Variants in FGF12 observed in about 807,000 individuals in gnomAD.
FGF12 encodes the protein fibroblast growth factor 12B.
FGF12 carries 14 observed loss-of-function variants against 23.6 expected under a neutral mutation model. That is an observed-to-expected ratio of 0.59 (90% CI 0.39 to 0.93). FGF12 has a LOEUF of 0.93. FGF12 is among the 40% of genes least tolerant of loss of function. The pLI is 0.00. For synonymous variants in FGF12, 62 were observed against 77.3 expected (o/e 0.80, Z 1.04); for missense variants, 175 against 217.8 (o/e 0.80, Z 1.24).
intron 2 of FGF12, among the ~76,000 whole-genome samples, chr3:192,570,228 A>AT (rs1465848781): frequency 3.3e-5 from 5 of 152,140 alleles, no homozygotes; most frequent in African/African-American, 1.2e-4. Context: ...TTTGTTTTCC[A>AT]TGGGGGGGAG....
chr3:192,532,643 C>T (rs116841390), intron 2 of FGF12, among the ~76,000 whole-genome samples: 1,737 of 152,214 alleles, frequency 0.011, 35 homozygotes, highest in Admixed American at 0.061. Context: ...AGTTTAAAGA[C>T]TCACTATGAG....
chr3:192,539,364 T>G (rs1395437749), intron 2 of FGF12, among the ~76,000 whole-genome samples: 1 of 152,206 alleles, frequency 6.6e-6, no homozygotes, highest in Non-Finnish European at 1.5e-5. Context: ...ATGTTGAATT[T>G]TATCAAATAA....
chr3:192,714,420 T>G (rs1718792920), intron 2 of FGF12, among the ~76,000 whole-genome samples: 2 of 152,060 alleles, frequency 1.3e-5, no homozygotes, highest in Admixed American at 6.6e-5. Flanking sequence ...AGAAAATTCA[T>G]ATAGCACAGT....
chr3:192,421,332 C>A (rs1576969543), intron 2 of FGF12, among the ~76,000 whole-genome samples: 1 of 151,702 alleles, frequency 6.6e-6, no homozygotes, highest in Non-Finnish European at 1.5e-5. Context: ...GGTTCTGGAA[C>A]CATGTGTGAC....
chr3:192,282,397 A>T (rs1449045290), intron 4 of FGF12, among the ~76,000 whole-genome samples: 1 of 152,150 alleles, frequency 6.6e-6, no homozygotes, highest in Non-Finnish European at 1.5e-5. Context: ...CTCTAGTCAA[A>T]AAATAATTTA....
At position 192,653,460 on chromosome 3, in the gene FGF12, C is replaced by T. The variant is rs531361494; in HGVS notation, c.13+73721G>A. Among the ~76,000 whole-genome samples, 67 of 152,250 alleles carry T rather than the reference C, an allele frequency of 4.4e-4. 1 individual carries two copies. In the South Asian group the frequency reaches 0.012, roughly 28 times the overall value. On this transcript the variant is annotated intron_variant, in intron 2 of 5. Transcript: ENST00000445105. ...AAAATCTGTCAAAGCCATGCTCCAA[C>T]GCCACCAGTTTTCCTCAACTAGATA...
At chr3:192,660,358 T>G (rs1716613908) in intron 2 of FGF12, among the ~76,000 whole-genome samples, 1 of 90,684 alleles carries the variant, frequency 1.1e-5, no homozygotes, top group Non-Finnish European at 2.0e-5. Flanking sequence ...CAGGGCCTGT[T>G]GTGGGGTGGG....
At position 192,284,002 on chromosome 3, in the gene FGF12, C is replaced by T. The variant is rs142919355; in HGVS notation, c.228+51359G>A. On this transcript the variant is annotated intron_variant, in intron 4 of 5. Coordinates refer to ENST00000445105, the MANE Select transcript of FGF12 (RefSeq NM_004113.6). Reference sequence around the variant, plus strand: ...GGATCACTTACAGACACAGCTTTCTCCACAGGTAGGCTCTGAGGTCTAATT... The same window carrying T: ...GGATCACTTACAGACACAGCTTTCTTCACAGGTAGGCTCTGAGGTCTAATT... 2.5e-3 allele frequency among the ~76,000 whole-genome samples: 378 copies of T among 152,162 alleles called. 2 individuals are homozygous for T. Among genetic ancestry groups the T allele is most frequent in the African/African-American group, 8.7e-3 (360 of 41,532 alleles).
At position 192,157,289 on chromosome 3, in the gene FGF12, A is replaced by T. The variant is rs1481982359; in HGVS notation, c.428-13162T>A. 3.9e-5 allele frequency among the ~76,000 whole-genome samples: 6 copies of T among 152,238 alleles called. No homozygotes were observed. The East Asian group carries it at 1.2e-3, about 29-fold the overall frequency. ...CATAGAAAGCCCTGCAGTTCTGGTA[A>T]CACAAATACAATGCAACACTTGGTC... On this transcript the variant is annotated intron_variant, in intron 5 of 5. Coordinates refer to ENST00000445105, the MANE Select transcript of FGF12 (RefSeq NM_004113.6).
chr3:192,600,157 A>G (rs977932277), intron 2 of FGF12, among the ~76,000 whole-genome samples: 1 of 152,014 alleles, frequency 6.6e-6, no homozygotes, highest in Non-Finnish European at 1.5e-5. Context: ...CCTTCCCACA[A>G]TGACTGTTCC....
chr3:192,157,003 T>A (rs1714463255), intron 5 of FGF12, among the ~76,000 whole-genome samples: 2 of 152,226 alleles, frequency 1.3e-5, no homozygotes, highest in Admixed American at 1.3e-4. Context: ...CGGAGAGATT[T>A]AACCCAGCTT....
chr3:192,518,778 A>G (rs1418930623), intron 2 of FGF12, among the ~76,000 whole-genome samples: 4 of 152,152 alleles, frequency 2.6e-5, no homozygotes, highest in Admixed American at 2.6e-4. Flanking sequence ...CATCTTAGCA[A>G]TACCTTCAAA....
intron 4 of FGF12, among the ~76,000 whole-genome samples, chr3:192,310,258 T>C (rs1715864259): frequency 2.0e-5 from 3 of 152,084 alleles, no homozygotes; most frequent in Non-Finnish European, 4.4e-5. Context: ...AAACTGAGAG[T>C]GGAAGACACA....
rs549582754 is a variant in FGF12 at position 192,260,566 on chromosome 3, T to C, written c.228+74795A>G. 1.2e-3 allele frequency among the ~76,000 whole-genome samples: 186 copies of C among 152,308 alleles called. 1 individual carries two copies. Among genetic ancestry groups the C allele is most frequent in the African/African-American group, 4.3e-3 (179 of 41,574 alleles). On this transcript the variant is annotated intron_variant, in intron 4 of 5. Transcript: ENST00000445105. Reference sequence around the variant, plus strand: ...TCTCCATATGCAGAATTTACACATGTGATGTGGGAGAACATATTCCATTAC... The same window carrying C: ...TCTCCATATGCAGAATTTACACATGCGATGTGGGAGAACATATTCCATTAC...
intron 2 of FGF12, among the ~76,000 whole-genome samples, chr3:192,383,954 A>C (rs535425915): frequency 6.6e-6 from 1 of 152,320 alleles, no homozygotes; most frequent in East Asian, 1.9e-4. Context: ...TTTAAGATCC[A>C]GGACTCAGCC....
intron 2 of FGF12, among the ~76,000 whole-genome samples, chr3:192,599,678 G>C (rs568399558): frequency 6.6e-6 from 1 of 151,968 alleles, no homozygotes; most frequent in Non-Finnish European, 1.5e-5. Context: ...ACTTTTCTGA[G>C]ACAATCATAG....
intron 4 of FGF12, among the ~76,000 whole-genome samples, chr3:192,292,955 AT>A: frequency 6.6e-6 from 1 of 151,678 alleles, no homozygotes; most frequent in Non-Finnish European, 1.5e-5. Context: ...GGCTTTTTTT[AT>A]TTTTTTAAGA....
intron 2 of FGF12, among the ~76,000 whole-genome samples, chr3:192,603,768 A>G (rs900208321): frequency 6.6e-6 from 1 of 152,162 alleles, no homozygotes; most frequent in Non-Finnish European, 1.5e-5. Context: ...AACAGGACAA[A>G]GGGCAAAAGG....
chr3:192,432,620 CAAA>C (rs201364119), intron 2 of FGF12, among the ~76,000 whole-genome samples: 4,429 of 106,528 alleles, frequency 0.042, 145 homozygotes, highest in African/African-American at 0.15. Flanking sequence ...TGACATCTGG[CAAA>C]AAAAAAAAAA....
Sources: allele counts gnomAD v4.1 joint callset (sites outside exome capture counted in the v4.1 genomes callset), GRCh38; gene constraint gnomAD v4.1.1; transcripts MANE v1.5; gene names NCBI Gene and HGNC (gene_info 2026-07-23, HGNC 2026-07-21).